MAPKAP1: variants seen among roughly 807,000 people sequenced by gnomAD.
MAPKAP1 encodes the protein MAPK associated protein 1, also known as target of rapamycin complex 2 subunit MAPKAP1.
MAPKAP1 carries 20 observed loss-of-function variants against 65.7 expected under a neutral mutation model. The observed-to-expected ratio is 0.30, with a 90% confidence interval of 0.21 to 0.44. The LOEUF is 0.44. Among genes scored for constraint, MAPKAP1 ranks in the 20% least tolerant of loss-of-function variants. The probability of loss-of-function intolerance (pLI) is 1.00; values close to 1 mark genes in which losing one functional copy is unlikely to be tolerated. For synonymous variants in MAPKAP1, 222 were observed against 244.3 expected, an observed-to-expected ratio of 0.91 and a Z score of 0.85; for missense variants, 423 against 648.0, an observed-to-expected ratio of 0.65 and a Z score of 3.77.
intron 9 of MAPKAP1, among the ~76,000 whole-genome samples, chr9:125,477,258 C>T (rs902083799): frequency 1.3e-5 from 2 of 152,068 alleles, no homozygotes; most frequent in African/African-American, 2.4e-5. Flanking sequence ...CAGATCCCTT[C>T]GGTGACATGG....
intron 6 of MAPKAP1, among the ~76,000 whole-genome samples, chr9:125,551,252 C>T (rs1344290742): frequency 6.6e-6 from 1 of 152,126 alleles, no homozygotes; most frequent in East Asian, 1.9e-4. Flanking sequence ...AAGCTAATGA[C>T]ACCCTTTAAT....
At chr9:125,494,756 TCTTA>T (rs1454407029) in intron 8 of MAPKAP1, among the ~76,000 whole-genome samples, 1 of 152,162 alleles carries the variant, frequency 6.6e-6, no homozygotes, top group Non-Finnish European at 1.5e-5. Context: ...AACATTCTTC[TCTTA>T]CTCATTATTG....
At chr9:125,521,677 C>G (rs1829621375) in intron 7 of MAPKAP1, 1 of 1,588,822 alleles carries the variant, frequency 6.3e-7, no homozygotes, top group African/African-American at 1.4e-5. Flanking sequence ...GACATCCAGT[C>G]CAGTACTCAA....
At chr9:125,526,013 C>A (rs1325616195) in intron 7 of MAPKAP1, among the ~76,000 whole-genome samples, 1 of 152,204 alleles carries the variant, frequency 6.6e-6, no homozygotes, top group Non-Finnish European at 1.5e-5. Context: ...GGGTGGTACT[C>A]CACAATCTCT....
At chr9:125,637,768 G>A (rs920203028) in intron 4 of MAPKAP1, among the ~76,000 whole-genome samples, 1 of 152,068 alleles carries the variant, frequency 6.6e-6, no homozygotes, top group Non-Finnish European at 1.5e-5. Flanking sequence ...AGGTAGGTAG[G>A]TAATGGGTAC....
intron 7 of MAPKAP1, among the ~76,000 whole-genome samples, chr9:125,529,840 G>A (rs1337472086): frequency 6.6e-6 from 1 of 152,188 alleles, no homozygotes; most frequent in African/African-American, 2.4e-5. Context: ...CTGATTTTAA[G>A]TCTTCTTTGT....
At chr9:125,561,100 TTAAA>T (rs1190466623) in intron 5 of MAPKAP1, among the ~76,000 whole-genome samples, 1 of 152,240 alleles carries the variant, frequency 6.6e-6, no homozygotes, top group Non-Finnish European at 1.5e-5. Flanking sequence ...TGATTGATGC[TTAAA>T]TTAATTAATT....
rs1487038021 is a variant in MAPKAP1 at position 125,559,786 on chromosome 9, AG to A, written c.694del (p.Leu232CysfsTer42). ...KLNDNVSAYC[L>X]HIAEDDGEVD... Reference sequence around the variant, plus strand: ...CTCCCCATCATCCTCAGCAATATGCAGGCAGTAGGCACTGACATTGTCACTG... The same window carrying A: ...CTCCCCATCATCCTCAGCAATATGCAGCAGTAGGCACTGACATTGTCACTG... On this transcript the variant is annotated frameshift_variant, in exon 6 of 12. Coordinates refer to ENST00000265960, the MANE Select transcript of MAPKAP1 (RefSeq NM_001006617.3). LOFTEE classifies it high-confidence loss of function. 6.2e-7 allele frequency: 1 copy of A among 1,613,004 alleles called. No homozygotes were observed. The highest frequency in any genetic ancestry group is 1.7e-5 in the Admixed American group (1 of 59,884).
chr9:125,526,833 T>C lies in MAPKAP1; in HGVS notation c.958+16226A>G, dbSNP rs1044241293. 6.6e-5 allele frequency among the ~76,000 whole-genome samples: 10 copies of C among 151,358 alleles called. No homozygotes were observed. In the Middle Eastern group the frequency reaches 0.01, roughly 156 times the overall value. On this transcript the variant is annotated intron_variant, in intron 7 of 11. Transcript: ENST00000265960. ...CTCTGTCACCCAAGCTGGAGTGCAGTGGTGCAATCTCAGCTCACTGCAACC... is the reference window on the plus strand; with the variant it reads ...CTCTGTCACCCAAGCTGGAGTGCAGCGGTGCAATCTCAGCTCACTGCAACC...
chr9:125,657,267 TTC>T (rs1042800476), intron 4 of MAPKAP1, among the ~76,000 whole-genome samples: 2 of 151,996 alleles, frequency 1.3e-5, no homozygotes, highest in Non-Finnish European at 2.9e-5. Context: ...ACATATATAT[TTC>T]TCTCTCCCTT....
At chr9:125,657,863 T>A in intron 3 of MAPKAP1, 64 bp from the exon 4 acceptor site, 1 of 1,517,608 alleles carries the variant, frequency 6.6e-7, no homozygotes, top group Non-Finnish European at 9.0e-7. Context: ...CCACCTTCCC[T>A]AAAAAGTCTT....
At chr9:125,445,508 G>A (rs982904363) in intron 10 of MAPKAP1, among the ~76,000 whole-genome samples, 1 of 152,248 alleles carries the variant, frequency 6.6e-6, no homozygotes, top group African/African-American at 2.4e-5. Context: ...ACTTCTAGGC[G>A]CACTTCTTGT....
chr9:125,675,050 A>C (rs1834605590), intron 1 of MAPKAP1, among the ~76,000 whole-genome samples: 1 of 152,228 alleles, frequency 6.6e-6, no homozygotes, highest in African/African-American at 2.4e-5. Context: ...AAATGTATAC[A>C]CCACACATTT....
chr9:125,527,669 T>G (rs1829811992), intron 7 of MAPKAP1, among the ~76,000 whole-genome samples: 1 of 152,168 alleles, frequency 6.6e-6, no homozygotes, highest in South Asian at 2.1e-4. Context: ...TTTGCTTTTC[T>G]TTTCTTTTTC....
chr9:125,587,220 C>T (rs188131829), intron 4 of MAPKAP1, among the ~76,000 whole-genome samples: 1 of 152,154 alleles, frequency 6.6e-6, no homozygotes, highest in Non-Finnish European at 1.5e-5. Flanking sequence ...TAATATGACA[C>T]CAAAAGCATA....
intron 9 of MAPKAP1, among the ~76,000 whole-genome samples, chr9:125,480,916 G>A (rs1384851401): frequency 6.9e-6 from 1 of 145,282 alleles, no homozygotes; most frequent in African/African-American, 2.6e-5. Context: ...AGGTTGCAGT[G>A]AGCCGAGCTT....
intron 10 of MAPKAP1, among the ~76,000 whole-genome samples, chr9:125,461,021 C>T (rs557754428): frequency 1.3e-5 from 2 of 152,226 alleles, no homozygotes; most frequent in Non-Finnish European, 2.9e-5. Flanking sequence ...ATGGGACACA[C>T]GTTGGCCTGG....
chr9:125,676,480 T>C (rs1834647184), intron 1 of MAPKAP1, among the ~76,000 whole-genome samples: 1 of 152,218 alleles, frequency 6.6e-6, no homozygotes, highest in Non-Finnish European at 1.5e-5. Context: ...ACAACATTGA[T>C]GAGCCCTGAG....
At chr9:125,683,707 G>A (rs901639335) in intron 1 of MAPKAP1, among the ~76,000 whole-genome samples, 11 of 152,180 alleles carry the variant, frequency 7.2e-5, no homozygotes, top group South Asian at 4.1e-4. Flanking sequence ...CTCAGCTGAA[G>A]CCATGACTCC....
Sources: gnomAD v4.1 joint callset for allele counts (sites outside exome capture counted in the v4.1 genomes callset) on GRCh38, gnomAD v4.1.1 for gene constraint, MANE v1.5 for transcripts, NCBI Gene and HGNC (gene_info 2026-07-23, HGNC 2026-07-21) for gene names.